The following MME variants were observed in gnomAD, a reference collection of about 807,000 sequenced individuals.
MME encodes the protein membrane metalloendopeptidase.
Under a neutral mutation model 113.2 loss-of-function variants are expected in MME, and 98 were observed. That is an observed-to-expected ratio of 0.87 (90% confidence interval 0.74 to 1.02). The LOEUF (loss-of-function observed/expected upper bound fraction) is 1.02. Ranked by LOEUF, MME falls within the 50% of genes least tolerant of loss-of-function variation. The pLI, the probability that MME is intolerant of heterozygous loss-of-function variation, is 0.00. For missense variants in MME, 836 were observed against 896.0 expected, an observed-to-expected ratio of 0.93 and a Z score of 0.86; for synonymous variants, 292 against 300.6, an observed-to-expected ratio of 0.97 and a Z score of 0.30.
chr3:155,095,892 A>G (rs1379327375), intron 3 of MME, among the ~76,000 whole-genome samples: 1 of 152,206 alleles, frequency 6.6e-6, no homozygotes, highest in Non-Finnish European at 1.5e-5. Flanking sequence ...GAGCACCTAA[A>G]CCAGAGCGGG....
intron 21 of MME, 99 bp from the exon 22 acceptor site, chr3:155,172,437 A>G: frequency 1.0e-6 from 1 of 996,580 alleles, no homozygotes; most frequent in Non-Finnish European, 1.6e-6. Flanking sequence ...GGAATGCAGA[A>G]TTCCAATTTA....
intron 17 of MME, among the ~76,000 whole-genome samples, chr3:155,165,301 G>T (rs1201933560): frequency 6.6e-6 from 1 of 151,996 alleles, no homozygotes; most frequent in Non-Finnish European, 1.5e-5. Context: ...CCCAAAATTT[G>T]ATTAAACAGG....
At chr3:155,091,148 A>G (rs1716258429) in intron 3 of MME, among the ~76,000 whole-genome samples, 1 of 152,198 alleles carries the variant, frequency 6.6e-6, no homozygotes, top group Admixed American at 6.5e-5. Flanking sequence ...AGACCACTGA[A>G]GCACACCTTT....
intron 13 of MME, 48 bp from the exon 14 acceptor site, chr3:155,144,311 A>G (rs1292910250): frequency 8.0e-7 from 1 of 1,251,352 alleles, no homozygotes; most frequent in Non-Finnish European, 1.2e-6. Context: ...AATCTGTGTT[A>G]CAAAGAATGA....
At chr3:155,062,227 T>C (rs1442677593) in intron 1 of MME, among the ~76,000 whole-genome samples, 1 of 152,200 alleles carries the variant, frequency 6.6e-6, no homozygotes, top group Non-Finnish European at 1.5e-5. Context: ...CTTTGCATTG[T>C]TCTTTCTGAA....
intron 1 of MME, among the ~76,000 whole-genome samples, chr3:155,057,164 A>G (rs1391711473): frequency 1.3e-5 from 2 of 152,138 alleles, no homozygotes; most frequent in Non-Finnish European, 2.9e-5. Flanking sequence ...CAAGCAACCT[A>G]CAAAATGGGA....
At chr3:155,171,227 C>T (rs149061864) in intron 20 of MME, among the ~76,000 whole-genome samples, 36 of 152,262 alleles carry the variant, frequency 2.4e-4, no homozygotes, top group Non-Finnish European at 4.0e-4. Context: ...AAATTCTTAA[C>T]GTGTAATGCC....
Position 155,148,595 on chromosome 3 carries a change from T to C in MME, c.1543T>C (p.Leu515=). 1 of 1,612,778 alleles carries C rather than the reference T, an allele frequency of 6.2e-7. No individual in the cohort carries two copies. Among genetic ancestry groups the C allele is most frequent in the Non-Finnish European group, 8.5e-7 (1 of 1,179,060 alleles). The change falls in exon 16 of 23, where the codon TTG becomes CTG. Residue 515 remains leucine (L), a synonymous_variant. Coordinates refer to ENST00000360490, the MANE Select transcript of MME (RefSeq NM_007289.4). Reference sequence around the variant, plus strand: ...ATACTTCGAGAACATAATTCAAAATTTGAAATTCAGCCAAAGTAAACAACT... The same window carrying C: ...ATACTTCGAGAACATAATTCAAAATCTGAAATTCAGCCAAAGTAAACAACT... ...DEYFENIIQN[L]KFSQSKQLKK...
rs754914743 is a variant in MME, at chr3:155,137,685, G to A, written c.721-417G>A. Among the ~76,000 whole-genome samples, 126 of 152,208 alleles carry A rather than the reference G, an allele frequency of 8.3e-4. 2 individuals are homozygous for A. Among genetic ancestry groups the A allele is most frequent in the Non-Finnish European group, 1.4e-3 (97 of 68,018 alleles). On this transcript the variant is annotated intron_variant, in intron 8 of 22. Coordinates refer to ENST00000360490, the MANE Select transcript of MME (RefSeq NM_007289.4). ...AGCACCACTGCACTCCAGCCCAGGC[G>A]ACAGTGTGAGACTCTGTCTCAATGA... is the stretch of plus-strand genomic sequence containing the variant.
upstream of MME, among the ~76,000 whole-genome samples, chr3:155,078,335 C>G (rs981912841): frequency 6.6e-6 from 1 of 152,178 alleles, no homozygotes; most frequent in Admixed American, 6.5e-5. Flanking sequence ...TAAATAGTGT[C>G]TGTAAGATGC....
intron 1 of MME, among the ~76,000 whole-genome samples, chr3:155,025,159 T>C (rs572965895): frequency 1.5e-4 from 23 of 152,290 alleles, no homozygotes; most frequent in African/African-American, 5.5e-4. Flanking sequence ...ACTCTGGCTC[T>C]GAGAGGAAAA....
chr3:155,108,956 G>A (rs761532527), intron 3 of MME, among the ~76,000 whole-genome samples: 9 of 152,246 alleles, frequency 5.9e-5, no homozygotes, highest in Admixed American at 1.3e-4. Context: ...TTAAGGTTGC[G>A]TCTTCTTAAG....
chr3:155,125,275 C>T, intron 8 of MME, among the ~76,000 whole-genome samples: 1 of 126,504 alleles, frequency 7.9e-6, no homozygotes, highest in Admixed American at 9.0e-5. Context: ...CCTGCTTCGG[C>T]TCACGCACGG....
chr3:155,061,538 T>A (rs1714147076), intron 1 of MME, among the ~76,000 whole-genome samples: 1 of 152,104 alleles, frequency 6.6e-6, no homozygotes, highest in Non-Finnish European at 1.5e-5. Context: ...GCTAAAACTT[T>A]TAACAACCAC....
intron 2 of MME, 60 bp downstream of exon 2, chr3:155,084,387 T>C: frequency 1.3e-6 from 2 of 1,548,812 alleles, no homozygotes; most frequent in Non-Finnish European, 1.8e-6. Context: ...TCTTCCTCCA[T>C]GCTTTTACCA....
At chr3:155,168,985 C>T (rs898634045) in intron 20 of MME, 188 bp downstream of exon 20, 18 of 561,922 alleles carry the variant, frequency 3.2e-5, no homozygotes, top group South Asian at 1.6e-4. Context: ...ATTGATGTGA[C>T]GGAGCTGAAC....
intron 1 of MME, among the ~76,000 whole-genome samples, chr3:155,031,501 G>C (rs1712970355): frequency 6.6e-6 from 1 of 152,116 alleles, no homozygotes; most frequent in Non-Finnish European, 1.5e-5. Flanking sequence ...AGAAAACTTT[G>C]AATGTCTTTT....
rs1261019189 is a variant in MME, at chr3:155,166,973, A to G, written c.1732A>G (p.Ile578Val). 1 of 1,613,780 alleles carries G rather than the reference A, an allele frequency of 6.2e-7. No individual in the cohort carries two copies. Among genetic ancestry groups the G allele is most frequent in the South Asian group, 1.1e-5 (1 of 91,088 alleles). Residue 578 changes from isoleucine to valine, a missense_variant, in exon 18 of 23, where the codon ATC becomes GTC. Transcript: ENST00000360490. ...QQSNSLNYGG[I>V]GMVIGHEITH... Reference sequence around the variant, plus strand: ...GTCCAACTCATTGAACTATGGGGGCATCGGCATGGTCATAGGACACGAAAT... The same window carrying G: ...GTCCAACTCATTGAACTATGGGGGCGTCGGCATGGTCATAGGACACGAAAT...
chr3:155,027,203 A>C (rs1370539529), intron 1 of MME, among the ~76,000 whole-genome samples: 1 of 152,146 alleles, frequency 6.6e-6, no homozygotes, highest in African/African-American at 2.4e-5. Flanking sequence ...AACTGCCCTG[A>C]GTCAGGGCTT....
Sources: allele counts gnomAD v4.1 joint callset (sites outside exome capture counted in the v4.1 genomes callset), GRCh38; gene constraint gnomAD v4.1.1; transcripts MANE v1.5; gene names NCBI Gene and HGNC (gene_info 2026-07-23, HGNC 2026-07-21).